Variants in CLUH observed in about 807,000 individuals in gnomAD.
CLUH encodes the protein CLUH binding protein of NUMT mRNA, also known as clustered mitochondria protein homolog.
Under a neutral mutation model 139.3 loss-of-function variants are expected in CLUH, and 77 were observed. That is an observed-to-expected ratio of 0.55 (90% CI 0.46 to 0.67). The LOEUF is 0.67. Among genes scored for constraint, CLUH ranks in the 30% least tolerant of loss-of-function variants. The pLI is 0.00. For synonymous variants in CLUH, 999 were observed against 801.6 expected (o/e 1.25, Z -4.16); for missense variants, 1,876 against 1,875.8 (o/e 1.00, Z 0.00).
At chr17:2,693,812 G>C in intron 19 of CLUH, 88 bp downstream of exon 19, 1 of 1,483,102 alleles carries the variant, frequency 6.7e-7, no homozygotes, top group Non-Finnish European at 9.0e-7. Context: ...GGTCTCCCTG[G>C]ACTCCACCCA....
chr17:2,695,838 G>A, intron 13 of CLUH: 2 of 580,978 alleles, frequency 3.4e-6, no homozygotes, highest in East Asian at 5.8e-5. Context: ...CCAGCATCCT[G>A]GAACCAGACA....
In CLUH at chr17:2,703,286, C is replaced by A; in HGVS notation, c.475+32G>T. On this transcript the variant is annotated intron_variant, in intron 3 of 25. Coordinates refer to ENST00000651024, the MANE Select transcript of CLUH (RefSeq NM_001366661.1). This position sits in a 1 kb window ranked among gnomAD's most constrained non-coding sequence, Gnocchi z 4.2. ...CCTGCCTCTGCCTCCGTGGGCCCTC[C>A]CCCGGGCAGGCTGTCCAACTTCCAG... 6.3e-7 allele frequency: 1 copy of A among 1,588,884 alleles called. No individual in the cohort carries two copies. The highest frequency in any genetic ancestry group is 2.3e-5 in the East Asian group (1 of 43,430).
rs745317633 is a variant in CLUH at position 2,693,943 on chromosome 17, C to T, written c.3188G>A (p.Arg1063His). Residue 1063 changes from arginine (R) to histidine (H), a missense_variant, in exon 19 of 26, where the codon CGC becomes CAC. Around this residue, in one of 3 missense-constraint regions of CLUH, gnomAD observed 1,454 missense variants for 1,384.4 expected, o/e 1.05. Transcript: ENST00000651024. ...AMHVETCACL[R>H]LLARLHYIMG... is the part of the protein sequence containing the mutation. ...GATGTAGTGGAGGCGGGCGAGGAGGCGCAGGCAGGCGCAGGTCTCCACGTG... is the reference window on the plus strand; with the variant it reads ...GATGTAGTGGAGGCGGGCGAGGAGGTGCAGGCAGGCGCAGGTCTCCACGTG... 8.7e-6 allele frequency: 14 copies of T among 1,613,252 alleles called. No individual in the cohort carries two copies. The highest frequency in any genetic ancestry group is 5.5e-5 in the South Asian group (5 of 91,064).
chr17:2,692,063 C>T lies in CLUH; in HGVS notation c.3595G>A (p.Ala1199Thr), dbSNP rs1367372865. The change falls in exon 23 of 26, where the codon GCT becomes ACT. Residue 1199 changes from alanine (A) to threonine (T), a missense_variant. Around this residue, in one of 3 missense-constraint regions of CLUH, gnomAD observed 1,454 missense variants for 1,384.4 expected, o/e 1.05. Transcript: ENST00000651024. ...HLVARVYESK[A>T]EFRSALQHEK... The stretch of plus-strand genomic sequence containing the variant: ...TGCTGCAGGGCCGACCGGAACTCAG[C>T]TTTGCTCTCGTAGACTCGGGCGACA... The T allele has an allele frequency of 3.7e-6, 6 of 1,605,618 alleles. No homozygotes were observed. The highest frequency in any genetic ancestry group is 2.7e-5 in the African/African-American group (2 of 74,630).
In CLUH at chr17:2,703,485, G is replaced by T. The variant is rs371929718; in HGVS notation, c.308C>A (p.Ser103Tyr). The stretch of plus-strand genomic sequence containing the variant: ...AATCTCCTGCACCATCTCCTGGGGG[G>T]ACACCTGCAGGGAGAAGGCCCCGCC... ...PGIEPFSLQV[S>Y]PQEMVQEIHQ... Residue 103 changes from serine (S) to tyrosine (Y), a missense_variant, in exon 3 of 26, where the codon TCC becomes TAC. By Grantham distance (144) the Ser-to-Tyr change is moderately radical. Coordinates refer to ENST00000651024, the MANE Select transcript of CLUH (RefSeq NM_001366661.1). This position sits in a 1 kb window ranked among gnomAD's most constrained non-coding sequence, Gnocchi z 4.2. 3 of 1,612,854 alleles carry T rather than the reference G, an allele frequency of 1.9e-6. No individual in the cohort carries two copies. The highest frequency in any genetic ancestry group is 2.5e-6 in the Non-Finnish European group (3 of 1,179,454).
At position 2,703,699 on chromosome 17, in the gene CLUH, A is replaced by G. The variant is rs2070257591; in HGVS notation, c.304-210T>C. Among the ~76,000 whole-genome samples the G allele has an allele frequency of 1.3e-5, 2 of 152,124 alleles. No homozygotes were observed. Among genetic ancestry groups the G allele is most frequent in the South Asian group, 4.1e-4 (2 of 4,828 alleles). On this transcript the variant is annotated intron_variant, in intron 2 of 25. Transcript: ENST00000651024. This position sits in a 1 kb window ranked among gnomAD's most constrained non-coding sequence, Gnocchi z 4.2. ...TGGCTTTTAAATCCAGGCCATGTCC[A>G]CACATGCCATGCCCTGTGTGTGCAG... is the stretch of plus-strand genomic sequence containing the variant.
rs755341680 is a variant in CLUH, at chr17:2,693,930, G to C, written c.3201C>G (p.Arg1067=). ...CGTAGTCGCCCATGATGTAGTGGAG[G>C]CGGGCGAGGAGGCGCAGGCAGGCGC... ...ETCACLRLLA[R]LHYIMGDYAE... Residue 1067 remains arginine, a synonymous_variant, in exon 19 of 26, where the codon CGC becomes CGG. Coordinates refer to ENST00000651024, the MANE Select transcript of CLUH (RefSeq NM_001366661.1). 2 of 1,613,532 alleles carry C rather than the reference G, an allele frequency of 1.2e-6. No individual in the cohort carries two copies. Among genetic ancestry groups the C allele is most frequent in the Non-Finnish European group, 1.7e-6 (2 of 1,179,732 alleles).
chr17:2,690,480 G>T lies in CLUH; in HGVS notation c.*114C>A. The stretch of plus-strand genomic sequence containing the variant: ...AGGACACGGGGGTGGGGTGGGGTGA[G>T]ACGTGGAGGAAGAGGGCCTTGCTTC... On this transcript the variant is annotated 3_prime_UTR_variant, in exon 26 of 26. Coordinates refer to ENST00000651024, the MANE Select transcript of CLUH (RefSeq NM_001366661.1). The T allele has an allele frequency of 1.1e-6, 1 of 943,084 alleles. No homozygotes were observed. 58.4% of individuals were successfully genotyped at this position (943,084 alleles called of 1,614,324 possible). A position where few individuals can be genotyped will look rare whatever the true frequency, so the allele number is the denominator to read the frequency against.
In CLUH at chr17:2,701,523, T is replaced by A; in HGVS notation, c.745-3A>T. ...AGTACTTTCAGGCACTGCAAGGGCT[T>A]CGGGAGCGGCCGAGTCTGAGGGGCC... On this transcript the variant is annotated splice_polypyrimidine_tract_variant and splice_region_variant and intron_variant, in intron 5 of 25. Transcript: ENST00000651024. 1 of 1,613,710 alleles carries A rather than the reference T, an allele frequency of 6.2e-7. No homozygotes were observed. The highest frequency in any genetic ancestry group is 8.5e-7 in the Non-Finnish European group (1 of 1,179,826).
chr17:2,701,030 TG>T, intron 7 of CLUH, 109 bp downstream of exon 7: 1 of 1,568,360 alleles, frequency 6.4e-7, no homozygotes. Flanking sequence ...ACTCCAACAC[TG>T]GGGGCCCAGG....
rs1353722176 is a variant in CLUH at position 2,701,039 on chromosome 17, AG to A, written c.1025+100del. On this transcript the variant is annotated intron_variant, in intron 7 of 25. Coordinates refer to ENST00000651024, the MANE Select transcript of CLUH (RefSeq NM_001366661.1). Reference sequence around the variant, plus strand: ...GCGGGGACTCCAACACTGGGGGCCCAGGGCGGTTTCTTCAGACAGAAGCACT... The same window carrying A: ...GCGGGGACTCCAACACTGGGGGCCCAGGCGGTTTCTTCAGACAGAAGCACT... The A allele has an allele frequency of 5.1e-6, 8 of 1,583,150 alleles. 1 individual carries two copies. The Admixed American group carries it at 1.4e-4, about 27-fold the overall frequency.
intron 3 of CLUH, among the ~76,000 whole-genome samples, chr17:2,702,261 C>G (rs988093425): frequency 6.6e-6 from 1 of 152,240 alleles, no homozygotes; most frequent in Non-Finnish European, 1.5e-5. Context: ...ACTCTGCCTA[C>G]TGGTGAGCAG....
chr17:2,690,877 T>C lies in CLUH; in HGVS notation c.3864-100A>G, dbSNP rs992249826. ...TGGGATAAGCTCAGGCTCTGCGCTCTATTCAGTGGGGAATGTGTGTGAACA... is the reference window on the plus strand; with the variant it reads ...TGGGATAAGCTCAGGCTCTGCGCTCCATTCAGTGGGGAATGTGTGTGAACA... On this transcript the variant is annotated intron_variant, in intron 25 of 25. Coordinates refer to ENST00000651024, the MANE Select transcript of CLUH (RefSeq NM_001366661.1). The C allele has an allele frequency of 2.1e-5, 19 of 916,430 alleles. No individual in the cohort carries two copies. In the South Asian group the frequency reaches 2.9e-4, roughly 14 times the overall value. 56.8% of individuals were successfully genotyped at this position (916,430 alleles called of 1,614,324 possible).
chr17:2,690,658 G>GC lies in CLUH; in HGVS notation c.3982dup (p.Ala1328GlyfsTer87). 1 of 1,540,792 alleles carries GC rather than the reference G, an allele frequency of 6.5e-7. No individual in the cohort carries two copies. On this transcript the variant is annotated frameshift_variant, in exon 26 of 26. Coordinates refer to ENST00000651024, the MANE Select transcript of CLUH (RefSeq NM_001366661.1). LOFTEE classifies it high-confidence loss of function. ...GGGCTGGGAGCCCAGGTCTCCTGGG[G>GC]CCCCCGCTGGCGCGGGCTCGGTAGC...
intron 3 of CLUH, among the ~76,000 whole-genome samples, chr17:2,702,671 G>T (rs562276103): frequency 6.6e-6 from 1 of 152,130 alleles, no homozygotes; most frequent in Non-Finnish European, 1.5e-5. Context: ...CAGACCAACC[G>T]GATGGCACCT....
At position 2,711,592 on chromosome 17, in the gene CLUH, C is replaced by G; in HGVS notation, c.70G>C (p.Ala24Pro). 1.0e-6 allele frequency: 1 copy of G among 983,754 alleles called. No homozygotes were observed. Among genetic ancestry groups the G allele is most frequent in the Non-Finnish European group, 1.2e-6 (1 of 829,318 alleles). The allele number at this position is 983,754 out of a possible 1,614,324, so 60.9% of individuals were successfully genotyped here. The change falls in exon 1 of 26, where the codon GCC (alanine) becomes CCC (proline). Residue 24 changes from alanine to proline, a missense_variant. Physicochemically the swap from Ala to Pro is conservative, Grantham distance 27. This residue lies in a region of CLUH where 152 missense variants were observed against 136.7 expected (regional missense o/e 1.11). Coordinates refer to ENST00000651024, the MANE Select transcript of CLUH (RefSeq NM_001366661.1). ...GCGCCCGGCCGCCCCTTGCCCCCGG[C>G]CTGCGAGCCGTGTTCCCGGGCGCTG... ...ADSAREHGSQ[A>P]GGKGRPGAAE...
chr17:2,708,113 G>T, intron 1 of CLUH: 2 of 531,396 alleles, frequency 3.8e-6, no homozygotes, highest in Non-Finnish European at 4.8e-6. Flanking sequence ...CCTTCCCAGG[G>T]CCTCTGACAT....
intron 25 of CLUH, 90 bp downstream of exon 25, chr17:2,691,519 C>T: frequency 7.5e-7 from 1 of 1,325,010 alleles, no homozygotes; most frequent in Non-Finnish European, 1.1e-6. Context: ...CGGGATGGCG[C>T]CGCCGCACTC....
intron 19 of CLUH, 103 bp downstream of exon 19, chr17:2,693,797 C>T (rs2069816484): frequency 4.2e-6 from 6 of 1,428,772 alleles, no homozygotes; most frequent in African/African-American, 1.4e-5. Flanking sequence ...CCAGCGACTT[C>T]CTGGGGTCTC....
Sources: allele counts gnomAD v4.1 joint callset (sites outside exome capture counted in the v4.1 genomes callset), GRCh38; gene constraint gnomAD v4.1.1; regional missense constraint gnomAD v4.1.1; non-coding constraint Gnocchi (gnomAD v3.1); transcripts MANE v1.5; gene names NCBI Gene and HGNC (gene_info 2026-07-23, HGNC 2026-07-21).